The following TANGO2 variants were observed in gnomAD, a reference collection of about 807,000 sequenced individuals.
TANGO2 encodes the protein transport and golgi organization 2 homolog.
In TANGO2, 26 loss-of-function variants were observed where a neutral mutation model predicts 39.1. The observed-to-expected ratio is 0.67, with a 90% CI of 0.49 to 0.92. The LOEUF (loss-of-function observed/expected upper bound fraction) is 0.92, where lower values mean the gene tolerates loss of function less well. TANGO2 is among the 40% of genes least tolerant of loss of function. The pLI is 0.00. For synonymous variants in TANGO2, 131 were observed against 144.5 expected (o/e 0.91, Z 0.67); for missense variants, 326 against 360.1 (o/e 0.91, Z 0.77).
intron 6 of TANGO2, 111 bp downstream of exon 6, chr22:20,056,124 T>C: frequency 1.1e-6 from 1 of 928,718 alleles, no homozygotes; most frequent in Non-Finnish European, 1.7e-6. Context: ...GAGATGACTT[T>C]GTGGCCATTT....
At chr22:20,043,515 C>A in intron 3 of TANGO2, 72 bp downstream of exon 3, 1 of 1,066,238 alleles carries the variant, frequency 9.4e-7, no homozygotes, top group Non-Finnish European at 1.4e-6. Flanking sequence ...CCCGAGTGAC[C>A]CTAACTGAGT....
chr22:20,057,086 G>C lies in TANGO2; in HGVS notation c.451+1073G>C. ...TCACCAAGTGAGGTTGCAGGTCACA[G>C]GTGCACACCTTCCCACTGGGTGTAC... On this transcript the variant is annotated intron_variant, in intron 6 of 8. Coordinates refer to ENST00000327374, the MANE Select transcript of TANGO2 (RefSeq NM_152906.7). This position sits in a 1 kb window ranked among gnomAD's most constrained non-coding sequence, Gnocchi z 4.1. 2.4e-6 allele frequency: 1 copy of C among 409,718 alleles called. No individual in the cohort carries two copies. The highest frequency in any genetic ancestry group is 4.9e-6 in the Non-Finnish European group (1 of 202,936). The allele number at this position is 409,718 out of a possible 1,614,324, so 25.4% of individuals were successfully genotyped here. A position where few individuals can be genotyped will look rare whatever the true frequency, so the allele number is the denominator to read the frequency against.
At chr22:20,048,496 G>A (rs1219453315) in intron 3 of TANGO2, among the ~76,000 whole-genome samples, 2 of 152,136 alleles carry the variant, frequency 1.3e-5, no homozygotes, top group Non-Finnish European at 2.9e-5. Context: ...GTTGTTTTAT[G>A]CAGGAGGGTA....
chr22:20,020,380 C>T (rs2039481325), upstream of TANGO2, among the ~76,000 whole-genome samples: 1 of 152,172 alleles, frequency 6.6e-6, no homozygotes, highest in South Asian at 2.1e-4. Context: ...GAGCAGCGGT[C>T]CCAGCTAATG....
chr22:20,057,454 G>A lies in TANGO2; in HGVS notation c.451+1441G>A, dbSNP rs977529793. Among the ~76,000 whole-genome samples, 10 of 152,292 alleles carry A rather than the reference G, an allele frequency of 6.6e-5. No homozygotes were observed. Among genetic ancestry groups the A allele is most frequent in the Middle Eastern group, 3.4e-3 (1 of 294 alleles). ...CCACTGCCCCCACGCCTACCAGCTG[G>A]TGCCCTCTCCTCCACCTGGGGCTTA... is the stretch of plus-strand genomic sequence containing the variant. On this transcript the variant is annotated intron_variant, in intron 6 of 8. Coordinates refer to ENST00000327374, the MANE Select transcript of TANGO2 (RefSeq NM_152906.7). This position sits in a 1 kb window ranked among gnomAD's most constrained non-coding sequence, Gnocchi z 4.1.
intron 1 of TANGO2, among the ~76,000 whole-genome samples, chr22:20,027,247 A>G (rs924839468): frequency 3.9e-5 from 6 of 152,174 alleles, no homozygotes; most frequent in Non-Finnish European, 5.9e-5. Flanking sequence ...TTCTGCCCCC[A>G]TGATCCAATC....
At chr22:20,032,502 C>T (rs557325299) in intron 1 of TANGO2, among the ~76,000 whole-genome samples, 1 of 152,392 alleles carries the variant, frequency 6.6e-6, no homozygotes, top group South Asian at 2.1e-4. Context: ...CCTCCAGCTG[C>T]TCTTTGTGGT....
intron 1 of TANGO2, chr22:20,033,282 C>T: frequency 2.0e-6 from 1 of 512,272 alleles, no homozygotes. Context: ...CAGTGCCAGG[C>T]TGTCCGGAGA....
chr22:20,043,555 G>A (rs1266797293), intron 3 of TANGO2, 112 bp downstream of exon 3: 26 of 761,900 alleles, frequency 3.4e-5, no homozygotes, highest in Non-Finnish European at 4.6e-5. Context: ...ATGGCGGGGT[G>A]TAGAGGTGGA....
chr22:20,030,251 T>C (rs2041595837), intron 1 of TANGO2, among the ~76,000 whole-genome samples: 1 of 148,540 alleles, frequency 6.7e-6, no homozygotes, highest in Non-Finnish European at 1.5e-5. Flanking sequence ...CACTGCAACC[T>C]CCACCTCGTG....
At chr22:20,063,582 C>A in intron 8 of TANGO2, 140 bp downstream of exon 8, 7 of 771,876 alleles carry the variant, frequency 9.1e-6, no homozygotes, top group Non-Finnish European at 1.4e-5. Flanking sequence ...TCTGCCCTGT[C>A]CAGACGCAGC....
intron 5 of TANGO2, chr22:20,055,678 A>T (rs2047196253): frequency 1.8e-6 from 1 of 554,012 alleles, no homozygotes; most frequent in Non-Finnish European, 3.2e-6. Context: ...GCATGGCAGG[A>T]GGGCATTTTA....
chr22:20,022,989 A>C (rs2040006833), intron 1 of TANGO2, among the ~76,000 whole-genome samples: 1 of 152,206 alleles, frequency 6.6e-6, no homozygotes, highest in Admixed American at 6.5e-5. Context: ...GGCTGTCTTG[A>C]AAACAAGCCT....
chr22:20,062,464 C>A (rs752909486), intron 7 of TANGO2, among the ~76,000 whole-genome samples: 7 of 152,214 alleles, frequency 4.6e-5, no homozygotes, highest in Non-Finnish European at 7.4e-5. Context: ...TGCCCCCTGC[C>A]TACCCTCCTT....
At chr22:20,026,349 G>T (rs1159314011) in intron 1 of TANGO2, among the ~76,000 whole-genome samples, 1 of 151,040 alleles carries the variant, frequency 6.6e-6, no homozygotes, top group Non-Finnish European at 1.5e-5. Context: ...AGTGAGCTGA[G>T]ATCGCGCCGT....
Position 20,057,348 on chromosome 22 carries a change from G to A in TANGO2, c.451+1335G>A, listed in dbSNP as rs1286541908. On this transcript the variant is annotated intron_variant, in intron 6 of 8. Transcript: ENST00000327374. This position sits in a 1 kb window ranked among gnomAD's most constrained non-coding sequence, Gnocchi z 4.1. ...GGCCCAGCCCCCATTTGCTAGGGTG[G>A]TGCCCAGACCCGAACCCCTGGGCTA... Among the ~76,000 whole-genome samples, 1 of 152,172 alleles carries A rather than the reference G, an allele frequency of 6.6e-6. No homozygotes were observed. Among genetic ancestry groups the A allele is most frequent in the African/African-American group, 2.4e-5 (1 of 41,440 alleles).
chr22:20,040,970 G>A lies in TANGO2; in HGVS notation c.57-2385G>A, dbSNP rs1047488831. 2.6e-5 allele frequency among the ~76,000 whole-genome samples: 4 copies of A among 152,184 alleles called. No homozygotes were observed. The East Asian group carries it at 5.8e-4, about 22-fold the overall frequency. ...GGCTGAATGGGGCACCCTGGAGGTG[G>A]TAAGGCTTCCATAGCAGACCCCAAG... On this transcript the variant is annotated intron_variant, in intron 2 of 8. Coordinates refer to ENST00000327374, the MANE Select transcript of TANGO2 (RefSeq NM_152906.7).
chr22:20,029,689 C>T (rs1176220374), intron 1 of TANGO2, among the ~76,000 whole-genome samples: 1 of 152,208 alleles, frequency 6.6e-6, no homozygotes. Flanking sequence ...TTTGCAGTCA[C>T]ATGGTGAGCT....
At chr22:20,020,384 G>A (rs888330862), upstream of TANGO2, among the ~76,000 whole-genome samples, 5 of 152,166 alleles carry the variant, frequency 3.3e-5, no homozygotes, top group Non-Finnish European at 5.9e-5. Context: ...AGCGGTCCCA[G>A]CTAATGCCTC....
Sources: allele counts gnomAD v4.1 joint callset (sites outside exome capture counted in the v4.1 genomes callset), GRCh38; gene constraint gnomAD v4.1.1; non-coding constraint Gnocchi (gnomAD v3.1); transcripts MANE v1.5; gene names NCBI Gene and HGNC (gene_info 2026-07-23, HGNC 2026-07-21).